The following DIAPH2 variants were observed in gnomAD, a reference collection of about 807,000 sequenced individuals.
The protein encoded by DIAPH2 is diaphanous related formin 2.
In DIAPH2, 35 loss-of-function variants were observed where a neutral mutation model predicts 92.7. The observed-to-expected ratio is 0.38, with a 90% CI of 0.29 to 0.50. DIAPH2 has a LOEUF of 0.50. DIAPH2 is among the 20% of genes least tolerant of loss of function. The probability of loss-of-function intolerance (pLI) is 0.94; values close to 1 mark genes in which losing one functional copy is unlikely to be tolerated. For missense variants in DIAPH2, 701 were observed against 819.5 expected, an observed-to-expected ratio of 0.86 and a Z score of 1.77; for synonymous variants, 301 against 280.4, an observed-to-expected ratio of 1.07 and a Z score of -0.73.
intron 23 of DIAPH2, among the ~76,000 whole-genome samples, chrX:97,310,089 G>T (rs1413893292): frequency 1.8e-5 from 2 of 112,286 alleles, no homozygotes; most frequent in African/African-American, 6.5e-5. Flanking sequence ...ATTAACTCAT[G>T]AGGCAAATGA....
At chrX:97,094,359 G>A (rs1197963533) in intron 19 of DIAPH2, among the ~76,000 whole-genome samples, 1 of 111,826 alleles carries the variant, frequency 8.9e-6, no homozygotes, top group Admixed American at 9.5e-5. Context: ...CTCTGCCTGG[G>A]CTAGATTAAA....
intron 23 of DIAPH2, among the ~76,000 whole-genome samples, chrX:97,285,722 G>A (rs1041669027): frequency 2.7e-5 from 3 of 110,273 alleles, no homozygotes; most frequent in African/African-American, 6.6e-5. Flanking sequence ...TCGGCCTCCC[G>A]AGTAGCTGGG....
Position 96,843,694 on chromosome X carries a change from G to T in DIAPH2, c.448-37885G>T, listed in dbSNP as rs780419692. 4.5e-5 allele frequency among the ~76,000 whole-genome samples: 5 copies of T among 111,237 alleles called. 1 individual carries two copies. Among genetic ancestry groups the T allele is most frequent in the African/African-American group, 1.6e-4 (5 of 30,623 alleles). ...CTTAGGAAGCCTGTTAACTACTCTC[G>T]CCCCACTACACAGGAATTCAAGAGC... On this transcript the variant is annotated intron_variant, in intron 4 of 26. Transcript: ENST00000324765.
At position 97,141,672 on chromosome X, in the gene DIAPH2, A is replaced by G; in HGVS notation, c.2597A>G (p.Asp866Gly). 1 of 1,196,157 alleles carries G rather than the reference A, an allele frequency of 8.4e-7. No homozygotes were observed. Among genetic ancestry groups the G allele is most frequent in the Non-Finnish European group, 1.1e-6 (1 of 890,238 alleles). ...FKINFLCKIR[D>G]TKSADQKTTL... is the part of the protein sequence containing the mutation. ...GTTGTTGTTTTCTCCCAGATCAGAGATACTAAATCAGCGGATCAAAAAACA... is the reference window on the plus strand; with the variant it reads ...GTTGTTGTTTTCTCCCAGATCAGAGGTACTAAATCAGCGGATCAAAAAACA... Residue 866 changes from aspartate (D) to glycine (G), a missense_variant, in exon 22 of 27, where the codon GAT (aspartate) becomes GGT (glycine). Physicochemically the swap from Asp to Gly is moderately conservative, Grantham distance 94. Around this residue, in one of 3 missense-constraint regions of DIAPH2, gnomAD observed 536 missense variants for 599.3 expected, o/e 0.89. Coordinates refer to ENST00000324765, the MANE Select transcript of DIAPH2 (RefSeq NM_006729.5).
At chrX:97,125,396 C>T (rs1466832730) in intron 21 of DIAPH2, among the ~76,000 whole-genome samples, 3 of 96,965 alleles carry the variant, frequency 3.1e-5, no homozygotes, top group East Asian at 3.6e-4. Flanking sequence ...TGCTTGAACC[C>T]GGGAGGCAGA....
At chrX:97,262,569 C>T (rs1020834758) in intron 23 of DIAPH2, among the ~76,000 whole-genome samples, 3 of 111,986 alleles carry the variant, frequency 2.7e-5, no homozygotes, top group African/African-American at 9.7e-5. Context: ...GAGATAATGA[C>T]ACAGGGGTGA....
chrX:96,883,103 A>C (rs1448035395), intron 5 of DIAPH2, among the ~76,000 whole-genome samples: 1 of 110,392 alleles, frequency 9.1e-6, no homozygotes, highest in Non-Finnish European at 1.9e-5. Context: ...CCTAATATAT[A>C]ATAGGTCTAA....
At chrX:97,490,338 G>GA (rs1415377275) in intron 26 of DIAPH2, among the ~76,000 whole-genome samples, 4 of 103,155 alleles carry the variant, frequency 3.9e-5, no homozygotes, top group Admixed American at 1.1e-4. Context: ...TATATTTTCA[G>GA]AAAAAAACAA....
intron 4 of DIAPH2, among the ~76,000 whole-genome samples, chrX:96,775,028 T>A (rs1166065085): frequency 8.9e-6 from 1 of 112,057 alleles, no homozygotes; most frequent in Non-Finnish European, 1.9e-5. Context: ...GGAAATGCAG[T>A]CTAGCATCTT....
chrX:97,243,748 C>T (rs183046092), intron 22 of DIAPH2, among the ~76,000 whole-genome samples: 4 of 111,555 alleles, frequency 3.6e-5, no homozygotes, highest in Non-Finnish European at 7.5e-5. Flanking sequence ...TATTGTTAGG[C>T]AGATTTCAAG....
At chrX:96,732,091 C>G (rs2064059051) in intron 1 of DIAPH2, among the ~76,000 whole-genome samples, 1 of 111,018 alleles carries the variant, frequency 9.0e-6, no homozygotes, top group Non-Finnish European at 1.9e-5. Context: ...TGTTTACTTG[C>G]ATGTGGTGTG....
chrX:97,122,307 CCTATA>C (rs2067064021), intron 21 of DIAPH2, among the ~76,000 whole-genome samples: 1 of 111,462 alleles, frequency 9.0e-6, no homozygotes, highest in African/African-American at 3.3e-5. Context: ...AGCAGCAGAG[CCTATA>C]TATTTGTAAT....
At chrX:97,284,610 CAA>C (rs756436081) in intron 23 of DIAPH2, among the ~76,000 whole-genome samples, 4 of 43,249 alleles carry the variant, frequency 9.2e-5, no homozygotes, top group Non-Finnish European at 4.5e-5. Context: ...AGCTCCGTCT[CAA>C]AAAAAAAAAA....
At chrX:97,299,973 C>G (rs997523545) in intron 23 of DIAPH2, among the ~76,000 whole-genome samples, 9 of 111,644 alleles carry the variant, frequency 8.1e-5, no homozygotes, top group Admixed American at 1.9e-4. Flanking sequence ...TTATTGCACC[C>G]CTTTCTTTTA....
intron 26 of DIAPH2, among the ~76,000 whole-genome samples, chrX:97,506,451 CTTT>C (rs34941076): frequency 1.1e-4 from 6 of 55,467 alleles, no homozygotes; most frequent in Admixed American, 2.3e-4. Flanking sequence ...ATGCCCAGCC[CTTT>C]TTTTTTTTTT....
intron 5 of DIAPH2, among the ~76,000 whole-genome samples, chrX:96,901,016 T>A (rs1181472864): frequency 2.7e-5 from 3 of 112,011 alleles, no homozygotes; most frequent in Non-Finnish European, 5.6e-5. Context: ...TCTTTTGGAA[T>A]AGTTTCAGAA....
At chrX:97,458,549 C>T (rs899552031) in intron 26 of DIAPH2, among the ~76,000 whole-genome samples, 3 of 111,049 alleles carry the variant, frequency 2.7e-5, no homozygotes, top group African/African-American at 9.8e-5. Flanking sequence ...ATAAACCAAG[C>T]CACTCTAAAG....
chrX:96,814,653 T>A (rs904708443), intron 4 of DIAPH2, among the ~76,000 whole-genome samples: 2 of 112,314 alleles, frequency 1.8e-5, no homozygotes, highest in Admixed American at 1.9e-4. Flanking sequence ...TTTCTTCTCA[T>A]CTTTGTGGTT....
chrX:96,762,460 T>G, intron 4 of DIAPH2, among the ~76,000 whole-genome samples: 1 of 111,448 alleles, frequency 9.0e-6, no homozygotes, highest in Non-Finnish European at 1.9e-5. Flanking sequence ...ACTAGAATAA[T>G]AAGTAATCTA....
Sources: allele counts gnomAD v4.1 joint callset (sites outside exome capture counted in the v4.1 genomes callset), GRCh38; gene constraint gnomAD v4.1.1; regional missense constraint gnomAD v4.1.1; transcripts MANE v1.5; gene names NCBI Gene and HGNC (gene_info 2026-07-23, HGNC 2026-07-21).